Variants in PDE4B observed in about 807,000 individuals in gnomAD.
PDE4B encodes 3',5'-cyclic-AMP phosphodiesterase 4B.
Under a neutral mutation model 82.2 loss-of-function variants are expected in PDE4B, and 20 were observed. The observed-to-expected ratio is 0.24, with a 90% CI of 0.17 to 0.35. PDE4B has a LOEUF of 0.35. Ranked by LOEUF, PDE4B falls within the 10% of genes least tolerant of loss-of-function variation. The pLI, the probability that PDE4B is intolerant of heterozygous loss-of-function variation, is 1.00. For missense variants in PDE4B, 655 were observed against 907.2 expected, an observed-to-expected ratio of 0.72 and a Z score of 3.57; for synonymous variants, 320 against 318.9, an observed-to-expected ratio of 1.00 and a Z score of -0.04.
chr1:66,099,213 GC>G (rs1645173646), intron 3 of PDE4B, among the ~76,000 whole-genome samples: 1 of 152,038 alleles, frequency 6.6e-6, no homozygotes, highest in African/African-American at 2.4e-5. Context: ...GTGAGAACAT[GC>G]GGTGCTTGAT....
intron 3 of PDE4B, among the ~76,000 whole-genome samples, chr1:65,952,336 T>C (rs1473805110): frequency 6.6e-6 from 1 of 152,094 alleles, no homozygotes; most frequent in Admixed American, 6.6e-5. Context: ...TAAACTAGCT[T>C]TCCTACCTAA....
intron 3 of PDE4B, among the ~76,000 whole-genome samples, chr1:66,117,009 C>G (rs914828720): frequency 6.6e-6 from 1 of 152,320 alleles, no homozygotes; most frequent in Admixed American, 6.5e-5. Flanking sequence ...GTGCCGGTGA[C>G]TGCCCCATAC....
intron 7 of PDE4B, among the ~76,000 whole-genome samples, chr1:66,308,723 A>C (rs1658458970): frequency 6.6e-6 from 1 of 152,216 alleles, no homozygotes; most frequent in African/African-American, 2.4e-5. Context: ...CCATGCAAAT[A>C]GTTGCCACCT....
intron 3 of PDE4B, among the ~76,000 whole-genome samples, chr1:66,172,176 C>T (rs1300733638): frequency 1.3e-5 from 2 of 152,104 alleles, no homozygotes; most frequent in Non-Finnish European, 2.9e-5. Context: ...TGTTTAGCTC[C>T]CACTTATAAG....
chr1:66,202,860 A>G (rs908956137), intron 3 of PDE4B, among the ~76,000 whole-genome samples: 1 of 151,750 alleles, frequency 6.6e-6, no homozygotes, highest in Non-Finnish European at 1.5e-5. Context: ...TAAAGTTAAT[A>G]TTGTTATGTG....
intron 3 of PDE4B, among the ~76,000 whole-genome samples, chr1:65,922,367 T>C (rs1461179395): frequency 6.6e-6 from 1 of 152,202 alleles, no homozygotes; most frequent in East Asian, 1.9e-4. Context: ...TAGCCAAAAT[T>C]ATGCATTTTC....
At chr1:66,269,852 C>T (rs1165672673) in intron 7 of PDE4B, among the ~76,000 whole-genome samples, 5 of 152,072 alleles carry the variant, frequency 3.3e-5, no homozygotes, top group African/African-American at 1.2e-4. Flanking sequence ...CTAGCACATC[C>T]GAGTCATGTA....
chr1:66,270,032 C>T (rs1655350816), intron 7 of PDE4B, among the ~76,000 whole-genome samples: 1 of 152,036 alleles, frequency 6.6e-6, no homozygotes, highest in Non-Finnish European at 1.5e-5. Context: ...TGAAAAACAC[C>T]ACAGAAGTCT....
At chr1:66,201,978 G>A (rs1456908768) in intron 3 of PDE4B, among the ~76,000 whole-genome samples, 6 of 152,070 alleles carry the variant, frequency 3.9e-5, no homozygotes, top group African/African-American at 1.4e-4. Context: ...TCTCTTGTGG[G>A]CATTTAGTGC....
intron 8 of PDE4B, among the ~76,000 whole-genome samples, chr1:66,342,556 A>G (rs1390855243): frequency 7.2e-6 from 1 of 138,870 alleles, no homozygotes; most frequent in Non-Finnish European, 1.5e-5. Flanking sequence ...ATTAAAAAAA[A>G]AAAAAAAAGA....
chr1:66,002,096 C>A (rs1651897070), intron 3 of PDE4B, among the ~76,000 whole-genome samples: 1 of 152,080 alleles, frequency 6.6e-6, no homozygotes, highest in South Asian at 2.1e-4. Context: ...TATAGTCTTA[C>A]TAGCTATATA....
intron 7 of PDE4B, among the ~76,000 whole-genome samples, chr1:66,268,539 G>A (rs924649973): frequency 2.6e-5 from 4 of 151,506 alleles, no homozygotes; most frequent in South Asian, 2.1e-4. Context: ...GTGGTGGCAC[G>A]TGCCTGTTGT....
At chr1:65,896,454 G>A (rs1264465784) in intron 1 of PDE4B, among the ~76,000 whole-genome samples, 3 of 152,162 alleles carry the variant, frequency 2.0e-5, no homozygotes, top group Non-Finnish European at 4.4e-5. Flanking sequence ...TGAGATTTGG[G>A]TGAGGACATG....
intron 3 of PDE4B, among the ~76,000 whole-genome samples, chr1:66,096,037 T>C (rs1377156011): frequency 6.6e-6 from 1 of 151,838 alleles, no homozygotes; most frequent in East Asian, 1.9e-4. Flanking sequence ...ACATCCAATA[T>C]TCTCCTTCTA....
At chr1:65,852,153 A>G (rs1392033546) in intron 1 of PDE4B, among the ~76,000 whole-genome samples, 2 of 152,068 alleles carry the variant, frequency 1.3e-5, no homozygotes, top group East Asian at 3.9e-4. Flanking sequence ...TATTTTCATG[A>G]AAGACATGGA....
At chr1:65,872,587 C>A (rs1646586090) in intron 1 of PDE4B, among the ~76,000 whole-genome samples, 1 of 152,070 alleles carries the variant, frequency 6.6e-6, no homozygotes, top group Admixed American at 6.6e-5. Context: ...TCTAGTGAAG[C>A]AGAGGAAAAA....
intron 3 of PDE4B, among the ~76,000 whole-genome samples, chr1:66,242,584 G>A (rs534407652): frequency 2.0e-5 from 3 of 152,308 alleles, no homozygotes; most frequent in African/African-American, 7.2e-5. Flanking sequence ...AGAAATTGGA[G>A]TTTGTGCAAG....
chr1:65,814,167 G>A (rs1292265638), intron 1 of PDE4B, among the ~76,000 whole-genome samples: 1 of 152,300 alleles, frequency 6.6e-6, no homozygotes, highest in Non-Finnish European at 1.5e-5. Context: ...AGCCTTGCCC[G>A]AGGCAGCTGC....
intron 7 of PDE4B, among the ~76,000 whole-genome samples, chr1:66,290,160 G>A (rs539530632): frequency 6.6e-6 from 1 of 152,278 alleles, no homozygotes; most frequent in East Asian, 1.9e-4. Context: ...AGATTAGGCA[G>A]AGAGATAAGT....
Sources: gnomAD v4.1 joint callset for allele counts (sites outside exome capture counted in the v4.1 genomes callset) on GRCh38, gnomAD v4.1.1 for gene constraint, MANE v1.5 for transcripts, NCBI Gene and HGNC (gene_info 2026-07-23, HGNC 2026-07-21) for gene names.